Variants in CTNNA3 observed in about 807,000 individuals in gnomAD.
CTNNA3 encodes catenin alpha 3.
In CTNNA3, 76 loss-of-function variants were observed where a neutral mutation model predicts 95.7. The ratio of observed to expected loss-of-function variants is 0.79; its 90% confidence interval spans 0.66 to 0.96. The LOEUF (loss-of-function observed/expected upper bound fraction) is 0.96. CTNNA3 is among the 40% of genes least tolerant of loss of function. CTNNA3 has a pLI of 0.00. For synonymous variants in CTNNA3, 431 were observed against 374.4 expected, an observed-to-expected ratio of 1.15 and a Z score of -1.74; for missense variants, 1,191 against 1,089.8, an observed-to-expected ratio of 1.09 and a Z score of -1.31.
At chr10:65,984,530 T>A (rs1325873945) in intron 16 of CTNNA3, among the ~76,000 whole-genome samples, 1 of 151,384 alleles carries the variant, frequency 6.6e-6, no homozygotes, top group African/African-American at 2.4e-5. Flanking sequence ...AAGCTTCTCT[T>A]AAAATGTCAA....
intron 5 of CTNNA3, among the ~76,000 whole-genome samples, chr10:67,432,446 C>T (rs1846139209): frequency 6.6e-6 from 1 of 152,002 alleles, no homozygotes; most frequent in African/African-American, 2.4e-5. Flanking sequence ...AAGGTGTCAA[C>T]AAGGCTGCAC....
At chr10:66,705,414 A>G (rs10822897) in intron 9 of CTNNA3, among the ~76,000 whole-genome samples, 35,937 of 151,908 alleles carry the variant, frequency 0.24, 5,619 homozygotes, top group East Asian at 0.56. Context: ...TTTGAAAAAT[A>G]ATTGTATATA....
At chr10:65,997,437 C>T (rs925541623) in intron 15 of CTNNA3, among the ~76,000 whole-genome samples, 2 of 152,166 alleles carry the variant, frequency 1.3e-5, no homozygotes, top group Non-Finnish European at 2.9e-5. Flanking sequence ...CAGAATACTA[C>T]AGTTGGAGGT....
chr10:67,108,397 G>A (rs542985116), intron 7 of CTNNA3, among the ~76,000 whole-genome samples: 39 of 151,788 alleles, frequency 2.6e-4, no homozygotes, highest in South Asian at 2.1e-4. Context: ...TTTCATTCAC[G>A]GGTATTTGTT....
At chr10:67,294,981 A>G (rs142666551) in intron 5 of CTNNA3, among the ~76,000 whole-genome samples, 7 of 152,338 alleles carry the variant, frequency 4.6e-5, no homozygotes, top group Middle Eastern at 3.4e-3. Context: ...AAAAAGTGAC[A>G]CAATAAAAAT....
At chr10:66,367,344 T>C (rs1419572807) in intron 12 of CTNNA3, among the ~76,000 whole-genome samples, 1 of 152,004 alleles carries the variant, frequency 6.6e-6, no homozygotes, top group Non-Finnish European at 1.5e-5. Context: ...CTCCAGGTAA[T>C]CATGGAGAGT....
chr10:66,281,883 C>T (rs1449677537), intron 12 of CTNNA3, among the ~76,000 whole-genome samples: 3 of 151,758 alleles, frequency 2.0e-5, no homozygotes, highest in African/African-American at 7.3e-5. Context: ...ACCATATCTG[C>T]TGACATTATC....
intron 5 of CTNNA3, among the ~76,000 whole-genome samples, chr10:67,514,431 G>A (rs989239157): frequency 3.9e-5 from 6 of 152,170 alleles, no homozygotes; most frequent in Non-Finnish European, 7.3e-5. Context: ...CATAATCTTA[G>A]TAGTGAAAGA....
chr10:66,070,061 C>T (rs1451013636), intron 14 of CTNNA3, among the ~76,000 whole-genome samples: 1 of 152,062 alleles, frequency 6.6e-6, no homozygotes, highest in African/African-American at 2.4e-5. Context: ...ATTTCTTATT[C>T]AATAAAATTA....
At chr10:66,515,863 T>C (rs1840834713) in intron 11 of CTNNA3, among the ~76,000 whole-genome samples, 1 of 152,012 alleles carries the variant, frequency 6.6e-6, no homozygotes, top group Non-Finnish European at 1.5e-5. Context: ...CAACAACATG[T>C]GGGAATTATG....
intron 6 of CTNNA3, among the ~76,000 whole-genome samples, chr10:67,217,394 C>T (rs147565235): frequency 6.6e-6 from 1 of 152,154 alleles, no homozygotes; most frequent in Non-Finnish European, 1.5e-5. Flanking sequence ...GCATTTTTTA[C>T]TAGTTTGTGC....
At chr10:67,034,789 G>C (rs564198719) in intron 7 of CTNNA3, among the ~76,000 whole-genome samples, 52 of 152,176 alleles carry the variant, frequency 3.4e-4, no homozygotes, top group African/African-American at 1.2e-3. Context: ...TTTACAATTT[G>C]ACCCCCAACC....
chr10:66,196,364 G>T (rs1327299173), intron 13 of CTNNA3, among the ~76,000 whole-genome samples: 5 of 152,136 alleles, frequency 3.3e-5, no homozygotes, highest in Non-Finnish European at 7.4e-5. Context: ...AAAGGAAAGA[G>T]AGGCATAAAA....
At chr10:67,226,929 C>A (rs1236531846) in intron 5 of CTNNA3, among the ~76,000 whole-genome samples, 1 of 152,188 alleles carries the variant, frequency 6.6e-6, no homozygotes, top group Non-Finnish European at 1.5e-5. Flanking sequence ...AAATGCTCGA[C>A]TTAAAAGATA....
intron 15 of CTNNA3, among the ~76,000 whole-genome samples, chr10:66,050,156 A>G (rs1935419907): frequency 2.2e-5 from 3 of 136,446 alleles, no homozygotes; most frequent in Admixed American, 2.2e-4. Context: ...TTTAATAATT[A>G]TGCCTCTGAG....
intron 5 of CTNNA3, among the ~76,000 whole-genome samples, chr10:67,399,360 T>G (rs1844834367): frequency 6.6e-6 from 1 of 152,184 alleles, no homozygotes; most frequent in Non-Finnish European, 1.5e-5. Flanking sequence ...ATCAGCATTT[T>G]TTCATTAAAT....
intron 7 of CTNNA3, among the ~76,000 whole-genome samples, chr10:67,109,385 C>G (rs1468238051): frequency 6.6e-6 from 1 of 152,194 alleles, no homozygotes; most frequent in Non-Finnish European, 1.5e-5. Context: ...GCAAACACTT[C>G]TCTTTATGAG....
intron 13 of CTNNA3, among the ~76,000 whole-genome samples, chr10:66,151,784 A>C (rs2084213399): frequency 6.6e-6 from 1 of 151,976 alleles, no homozygotes; most frequent in African/African-American, 2.4e-5. Context: ...ACCAGAGTTA[A>C]AAGCACCAAC....
chr10:66,962,641 G>A (rs1849181358), intron 7 of CTNNA3, among the ~76,000 whole-genome samples: 1 of 151,906 alleles, frequency 6.6e-6, no homozygotes, highest in African/African-American at 2.4e-5. Flanking sequence ...TCGATCTCCT[G>A]ATCTCGTGAT....
Sources: gnomAD v4.1 joint callset for allele counts (sites outside exome capture counted in the v4.1 genomes callset) on GRCh38, gnomAD v4.1.1 for gene constraint, MANE v1.5 for transcripts, NCBI Gene and HGNC (gene_info 2026-07-23, HGNC 2026-07-21) for gene names.